The following ZNF469 variants were observed in gnomAD, a reference collection of about 807,000 sequenced individuals.
ZNF469 encodes zinc finger protein 469.
In ZNF469, 1 loss-of-function variant was observed where a neutral mutation model predicts 1.0. The ratio of observed to expected loss-of-function variants is 1.00; its 90% CI spans 0.35 to 4.73. ZNF469 has a LOEUF of 4.73. ZNF469 is among the 30% of genes most tolerant of loss of function. The pLI, the probability that ZNF469 is intolerant of heterozygous loss-of-function variation, is 0.16. For synonymous variants in ZNF469, 2,703 were observed against 2,363.4 expected, an observed-to-expected ratio of 1.14 and a Z score of -4.17; for missense variants, 6,100 against 5,356.3, an observed-to-expected ratio of 1.14 and a Z score of -4.33.
At chr16:88,158,333 G>C in the ZNF469 span, among the ~76,000 whole-genome samples, 1 of 152,010 alleles carries the variant, frequency 6.6e-6, no homozygotes, top group African/African-American at 2.4e-5. Flanking sequence ...GAGTGGGGTG[G>C]GGGCACGGGA....
At chr16:88,273,675 G>A in the ZNF469 span, among the ~76,000 whole-genome samples, 2 of 152,166 alleles carry the variant, frequency 1.3e-5, no homozygotes, top group African/African-American at 4.8e-5. Context: ...GAAAGCTGAG[G>A]TCCAAAGAAA....
chr16:88,139,365 G>A, the ZNF469 span, among the ~76,000 whole-genome samples: 1 of 151,994 alleles, frequency 6.6e-6, no homozygotes, highest in Non-Finnish European at 1.5e-5. Flanking sequence ...GAAAATTGCT[G>A]TGAAAAGTGG....
At chr16:88,203,110 G>T in the ZNF469 span, among the ~76,000 whole-genome samples, 2 of 152,136 alleles carry the variant, frequency 1.3e-5, no homozygotes, top group African/African-American at 4.8e-5. Context: ...AGAAGGGCCG[G>T]GAAGGGCAGG....
chr16:88,119,815 C>T, the ZNF469 span, among the ~76,000 whole-genome samples: 15 of 152,096 alleles, frequency 9.9e-5, no homozygotes, highest in Admixed American at 5.2e-4. Flanking sequence ...TAACTGGGAG[C>T]GTGTCGTAGG....
the ZNF469 span, among the ~76,000 whole-genome samples, chr16:88,124,710 G>A: frequency 0.067 from 10,251 of 152,034 alleles, 473 homozygotes; most frequent in Admixed American, 0.13. Flanking sequence ...TCAGTCTCCC[G>A]AGTAGGTGGG....
the ZNF469 span, among the ~76,000 whole-genome samples, chr16:88,301,871 G>T: frequency 1.3e-5 from 2 of 152,186 alleles, no homozygotes; most frequent in African/African-American, 4.8e-5. Flanking sequence ...CAGGCAGGAG[G>T]GGGTAACTAT....
chr16:88,378,767 T>C (rs540317623), upstream of ZNF469, among the ~76,000 whole-genome samples: 2 of 152,214 alleles, frequency 1.3e-5, no homozygotes, highest in Non-Finnish European at 2.9e-5. Context: ...AGCCTCAGCT[T>C]CCCCTATCTA....
At chr16:88,289,052 T>C in the ZNF469 span, among the ~76,000 whole-genome samples, 1 of 152,042 alleles carries the variant, frequency 6.6e-6, no homozygotes, top group African/African-American at 2.4e-5. Context: ...GTGATGGTGA[T>C]GATGGTGGTG....
At chr16:88,200,890 C>T in the ZNF469 span, among the ~76,000 whole-genome samples, 2 of 152,264 alleles carry the variant, frequency 1.3e-5, no homozygotes, top group Non-Finnish European at 2.9e-5. Flanking sequence ...CGGCCGCCCC[C>T]GGCTGCTCCC....
rs1189097725 is a variant in ZNF469 at position 88,440,413 on chromosome 16, G to A, written c.*1081G>A. 1 of 152,098 alleles carries A rather than the reference G, an allele frequency of 6.6e-6. No homozygotes were observed. Among genetic ancestry groups the A allele is most frequent in the Non-Finnish European group, 1.5e-5 (1 of 68,018 alleles). 9.4% of individuals were successfully genotyped at this position (152,098 alleles called of 1,614,324 possible). ...TCATGCACCGACCCAACCCAGGCCT[G>A]GGACGCACGTGTCCTCTCACAGCGT... On this transcript the variant is annotated 3_prime_UTR_variant, in exon 3 of 3. Coordinates refer to ENST00000565624, the MANE Select transcript of ZNF469 (RefSeq NM_001367624.2).
rs561418885 is a variant in ZNF469 at position 88,435,772 on chromosome 16, A to G, written c.8302A>G (p.Lys2768Glu). The G allele has an allele frequency of 1.0e-5, 16 of 1,550,748 alleles. No homozygotes were observed. The South Asian group carries it at 1.7e-4, about 16-fold the overall frequency. ...PRETKALGVC[K>E]ESGSEPAEDS... ...AGAGACCAAGGCGTTGGGTGTGTGC[A>G]AAGAGTCTGGGAGCGAGCCTGCGGA... Residue 2768 changes from lysine (K) to glutamate (E), a missense_variant, in exon 3 of 3, where the codon AAA (lysine) becomes GAA (glutamate). Transcript: ENST00000565624.
At chr16:88,387,256 T>C (rs1004737015) in intron 1 of ZNF469, among the ~76,000 whole-genome samples, 4 of 152,196 alleles carry the variant, frequency 2.6e-5, no homozygotes, top group African/African-American at 9.6e-5. Flanking sequence ...GTTGCGGCCT[T>C]GGCCCTCCTC....
chr16:88,113,512 T>C, the ZNF469 span, among the ~76,000 whole-genome samples: 1 of 152,164 alleles, frequency 6.6e-6, no homozygotes, highest in Non-Finnish European at 1.5e-5. Flanking sequence ...GATCCAGCCC[T>C]GTGGACGCAG....
chr16:88,428,537 CT>C lies in ZNF469; in HGVS notation c.1069del (p.Ser357ProfsTer20). 1 of 1,550,068 alleles carries C rather than the reference CT, an allele frequency of 6.5e-7. No homozygotes were observed. ...CACAGCGACCTCAGTGGTGCCCTCT[CT>C]TCCCCTGGAGCTGCTCACTCGGCCC... ...NRHSDLSGAL[S>X]SPGAAHSAPR... On this transcript the variant is annotated frameshift_variant, in exon 3 of 3. Transcript: ENST00000565624. LOFTEE classifies it low-confidence loss of function (END_TRUNC).
chr16:88,387,824 A>G (rs917249680), intron 1 of ZNF469, among the ~76,000 whole-genome samples: 19 of 152,140 alleles, frequency 1.2e-4, no homozygotes, highest in Admixed American at 6.5e-5. Flanking sequence ...TCTTGAAGCA[A>G]GAGGAGCTCT....
At chr16:88,247,543 A>G in the ZNF469 span, among the ~76,000 whole-genome samples, 2 of 150,140 alleles carry the variant, frequency 1.3e-5, no homozygotes, top group African/African-American at 2.4e-5. Context: ...TGAGTGAATG[A>G]GTGAATGAAT....
chr16:88,170,909 AC>A, the ZNF469 span, among the ~76,000 whole-genome samples: 3 of 148,736 alleles, frequency 2.0e-5, no homozygotes, highest in African/African-American at 7.6e-5. This position sits in a 1 kb window ranked among gnomAD's most constrained non-coding sequence, Gnocchi z 4.2. Context: ...CACACCCAGC[AC>A]CAGGGGTAGC....
At chr16:88,285,446 G>A in the ZNF469 span, among the ~76,000 whole-genome samples, 843 of 152,344 alleles carry the variant, frequency 5.5e-3, 6 homozygotes, top group African/African-American at 0.019. Context: ...AGTGTGGGAG[G>A]CCACACTGTC....
At chr16:88,117,392 AAG>A in the ZNF469 span, among the ~76,000 whole-genome samples, 1 of 152,086 alleles carries the variant, frequency 6.6e-6, no homozygotes, top group South Asian at 2.1e-4. Flanking sequence ...TTTTTACAAA[AAG>A]AAAAAAATGA....
Sources: gnomAD v4.1 joint callset for allele counts (sites outside exome capture counted in the v4.1 genomes callset) on GRCh38, gnomAD v4.1.1 for gene constraint, Gnocchi (gnomAD v3.1) non-coding constraint, MANE v1.5 for transcripts, NCBI Gene and HGNC (gene_info 2026-07-23, HGNC 2026-07-21) for gene names.